The following SHANK2 variants were observed in gnomAD, a reference collection of about 807,000 sequenced individuals.
SHANK2 encodes SH3 and multiple ankyrin repeat domains 2.
SHANK2 carries 43 observed loss-of-function variants against 133.7 expected under a neutral mutation model. That is an observed-to-expected ratio of 0.32 (90% confidence interval 0.25 to 0.41). SHANK2 has a LOEUF of 0.41. SHANK2 is among the 10% of genes least tolerant of loss of function. SHANK2 has a pLI of 1.00. For synonymous variants in SHANK2, 1,017 were observed against 952.8 expected (o/e 1.07, Z -1.24); for missense variants, 1,994 against 2,235.8 (o/e 0.89, Z 2.18).
chr11:70,662,459 C>G (rs1433641512), intron 15 of SHANK2, among the ~76,000 whole-genome samples: 2 of 152,146 alleles, frequency 1.3e-5, no homozygotes, highest in African/African-American at 4.8e-5. Context: ...GCATCCCCCC[C>G]TCCAGCGTCC....
chr11:71,119,028 C>T lies in SHANK2; in HGVS notation c.212G>A (p.Cys71Tyr), dbSNP rs182549877. 1.3e-5 allele frequency: 20 copies of T among 1,551,586 alleles called. No individual in the cohort carries two copies. In the East Asian group the frequency reaches 4.4e-4, roughly 34 times the overall value. ...TGTGGCATCCGGGTTAAATCGAATG[C>T]ATTTCTGCCAGGAAGGACAAAGACA... The part of the protein sequence containing the change: ...VVIHDLQQTK[C>Y]IRFNPDATVW... The change falls in exon 4 of 26, where the codon TGC (cysteine) becomes TAC (tyrosine). Residue 71 changes from cysteine (C) to tyrosine (Y), a missense_variant. Physicochemically the swap from Cys to Tyr is radical, Grantham distance 194. Coordinates refer to ENST00000601538, the MANE Select transcript of SHANK2 (RefSeq NM_012309.5).
chr11:70,927,560 T>G (rs991533095), intron 10 of SHANK2, among the ~76,000 whole-genome samples: 5 of 151,856 alleles, frequency 3.3e-5, no homozygotes, highest in African/African-American at 1.2e-4. Context: ...GTTCCCCATC[T>G]CTGCAGGGGT....
intron 1 of SHANK2, among the ~76,000 whole-genome samples, chr11:71,230,406 A>G (rs2135763374): frequency 6.6e-6 from 1 of 152,200 alleles, no homozygotes; most frequent in South Asian, 2.1e-4. Context: ...CATCTCTACT[A>G]AAAATACAAA....
rs555781815 is a variant in SHANK2, at chr11:71,140,610, C to T, written c.207+6510G>A. Among the ~76,000 whole-genome samples, 51 of 152,334 alleles carry T rather than the reference C, an allele frequency of 3.3e-4. 1 individual carries two copies. The highest frequency in any genetic ancestry group is 1.2e-3 in the African/African-American group (51 of 41,584). On this transcript the variant is annotated intron_variant, in intron 3 of 25. Coordinates refer to ENST00000601538, the MANE Select transcript of SHANK2 (RefSeq NM_012309.5). Reference sequence around the variant, plus strand: ...GAGAGCCTCCGAGTGTGGGTAGCACCAGCAGGAGGGTGGACCCAGGAGAAC... The same window carrying T: ...GAGAGCCTCCGAGTGTGGGTAGCACTAGCAGGAGGGTGGACCCAGGAGAAC...
intron 10 of SHANK2, among the ~76,000 whole-genome samples, chr11:70,937,940 T>G (rs1555083696): frequency 6.6e-6 from 1 of 152,158 alleles, no homozygotes; most frequent in African/African-American, 2.4e-5. Flanking sequence ...TGGATGCCTG[T>G]GTGCATGCCT....
At chr11:70,482,031 G>A (rs1032509143) in intron 25 of SHANK2, among the ~76,000 whole-genome samples, 15 of 152,224 alleles carry the variant, frequency 9.9e-5, no homozygotes, top group East Asian at 7.7e-4. Flanking sequence ...TGGCCGTGGC[G>A]CACCTCCATG....
At chr11:70,940,864 G>A (rs868923591) in intron 10 of SHANK2, among the ~76,000 whole-genome samples, 3 of 152,122 alleles carry the variant, frequency 2.0e-5, no homozygotes, top group East Asian at 3.9e-4. Context: ...AAATGAACAA[G>A]CACCACACAG....
intron 6 of SHANK2, among the ~76,000 whole-genome samples, chr11:71,105,221 C>T (rs1277186699): frequency 6.6e-6 from 1 of 152,132 alleles, no homozygotes; most frequent in East Asian, 1.9e-4. Context: ...TGAAAGAAGC[C>T]GATCTGAAAC....
chr11:70,597,783 A>C (rs2060421091), intron 17 of SHANK2, among the ~76,000 whole-genome samples: 1 of 152,132 alleles, frequency 6.6e-6, no homozygotes, highest in Non-Finnish European at 1.5e-5. Context: ...TGAGGCAGGA[A>C]AATTGCTTGA....
intron 14 of SHANK2, among the ~76,000 whole-genome samples, chr11:70,776,915 A>C (rs1318018546): frequency 6.6e-6 from 1 of 150,468 alleles, no homozygotes; most frequent in Admixed American, 6.6e-5. Flanking sequence ...CCTCCCATCT[A>C]CCCACCTAAC....
At chr11:70,782,600 G>T (rs1197441290) in intron 14 of SHANK2, among the ~76,000 whole-genome samples, 1 of 152,242 alleles carries the variant, frequency 6.6e-6, no homozygotes, top group Admixed American at 6.5e-5. Flanking sequence ...CACGCTGTGG[G>T]AGCAGTCATC....
At chr11:71,122,813 C>G (rs1555101777) in intron 3 of SHANK2, among the ~76,000 whole-genome samples, 2 of 152,022 alleles carry the variant, frequency 1.3e-5, no homozygotes, top group African/African-American at 4.8e-5. Context: ...GGGACAGATT[C>G]CCCCTCAAGC....
intron 10 of SHANK2, chr11:70,952,879 T>A: frequency 3.0e-6 from 1 of 331,112 alleles, no homozygotes; most frequent in South Asian, 2.4e-5. Context: ...TTCCATGCAG[T>A]CCTGTAAGCC....
intron 15 of SHANK2, chr11:70,662,175 G>A: frequency 3.5e-6 from 1 of 286,918 alleles, no homozygotes; most frequent in South Asian, 3.9e-5. Context: ...GTTTTGTTTT[G>A]CTTTTCCTTG....
In SHANK2 at chr11:71,201,796, G is replaced by A. The variant is rs59899042; in HGVS notation, c.-13+22901C>T. On this transcript the variant is annotated intron_variant, in intron 2 of 25. Coordinates refer to ENST00000601538, the MANE Select transcript of SHANK2 (RefSeq NM_012309.5). ...AGCACGTTGTCTCCCACCAGGAGAC[G>A]GGGGATGAATCTGTGGGAAGGAGGC... Among the ~76,000 whole-genome samples the A allele has an allele frequency of 3.3e-5, 5 of 152,256 alleles. No homozygotes were observed. In the South Asian group the frequency reaches 6.2e-4, roughly 19 times the overall value.
chr11:70,936,382 C>G (rs145518278), intron 10 of SHANK2, among the ~76,000 whole-genome samples: 2 of 151,964 alleles, frequency 1.3e-5, no homozygotes, highest in African/African-American at 2.4e-5. Flanking sequence ...CATGGTGGCA[C>G]GTGCCTGTAG....
chr11:70,536,446 C>T (rs2059545469), intron 17 of SHANK2, among the ~76,000 whole-genome samples: 1 of 152,202 alleles, frequency 6.6e-6, no homozygotes, highest in African/African-American at 2.4e-5. Flanking sequence ...CTGTCCCCAC[C>T]CAGGCTGGCG....
At position 71,135,350 on chromosome 11, in the gene SHANK2, G is replaced by A. The variant is rs377709838; in HGVS notation, c.207+11770C>T. 5.9e-5 allele frequency among the ~76,000 whole-genome samples: 9 copies of A among 152,302 alleles called. No individual in the cohort carries two copies. The South Asian group carries it at 1.5e-3, about 25-fold the overall frequency. On this transcript the variant is annotated intron_variant, in intron 3 of 25. Transcript: ENST00000601538. ...GGAATTGCTGCCCAGCTGCCCCCCA[G>A]GCGCTTAGCTGTGAAATCCCCCTGT...
intron 14 of SHANK2, among the ~76,000 whole-genome samples, chr11:70,726,639 G>C (rs1946186820): frequency 6.6e-6 from 1 of 152,186 alleles, no homozygotes; most frequent in South Asian, 2.1e-4. Context: ...GGTGGGGGTT[G>C]GCTGTGGTAG....
Sources: gnomAD v4.1 joint callset for allele counts (sites outside exome capture counted in the v4.1 genomes callset) on GRCh38, gnomAD v4.1.1 for gene constraint, MANE v1.5 for transcripts, NCBI Gene and HGNC (gene_info 2026-07-23, HGNC 2026-07-21) for gene names.